Variants in HDDC2 observed in about 807,000 individuals in gnomAD.
HDDC2 encodes HD domain containing 2, also known as 5'-deoxynucleotidase HDDC2.
HDDC2 carries 25 observed loss-of-function variants against 25.5 expected under a neutral mutation model. The ratio of observed to expected loss-of-function variants is 0.98; its 90% CI spans 0.72 to 1.37. The LOEUF (loss-of-function observed/expected upper bound fraction) is 1.37. HDDC2 is among the 40% of genes most tolerant of loss of function. HDDC2 has a pLI of 0.00. For synonymous variants in HDDC2, 106 were observed against 89.7 expected, an observed-to-expected ratio of 1.18 and a Z score of -1.03; for missense variants, 264 against 253.1, an observed-to-expected ratio of 1.04 and a Z score of -0.29.
At position 125,275,391 on chromosome 6, in the gene HDDC2, G is replaced by A. The variant is rs552930280; in HGVS notation, c.*755C>T. On this transcript the variant is annotated 3_prime_UTR_variant, in exon 6 of 6. Transcript: ENST00000398153. ...AAAAGGGAAAAGAGAGGAAGAAATC[G>A]GGTTGATATATTCCCTACCTGAGGC... 2.6e-5 allele frequency: 4 copies of A among 152,112 alleles called. No individual in the cohort carries two copies. Among genetic ancestry groups the A allele is most frequent in the Admixed American group, 1.3e-4 (2 of 15,256 alleles). The allele number at this position is 152,112 out of a possible 1,614,324, so 9.4% of individuals were successfully genotyped here. A position where few individuals can be genotyped will look rare whatever the true frequency, so the allele number is the denominator to read the frequency against.
At position 125,297,551 on chromosome 6, in the gene HDDC2, T is replaced by C. The variant is rs150585730; in HGVS notation, c.309+1163A>G. The C allele has an allele frequency of 2.3e-3, 932 of 403,354 alleles. 15 individuals are homozygous for C. The East Asian group carries it at 0.026, about 11-fold the overall frequency. The allele number at this position is 403,354 out of a possible 1,614,324, so 25.0% of individuals were successfully genotyped here. ...TACAGGTGTACAGATCAAAATGGAG[T>C]TTCTTATGTCTTCCTTTTCTACAAA... On this transcript the variant is annotated intron_variant, in intron 3 of 5. Coordinates refer to ENST00000398153, the MANE Select transcript of HDDC2 (RefSeq NM_016063.3).
intron 1 of HDDC2, among the ~76,000 whole-genome samples, 163 bp downstream of exon 1, chr6:125,301,686 A>G (rs3734643): frequency 0.29 from 43,801 of 152,050 alleles, 9,016 homozygotes; most frequent in African/African-American, 0.59. Context: ...CACCGTCGGC[A>G]ACGCGCGGCC....
intron 1 of HDDC2, among the ~76,000 whole-genome samples, chr6:125,301,341 T>G (rs1798798443): frequency 6.6e-6 from 1 of 152,018 alleles, no homozygotes; most frequent in Non-Finnish European, 1.5e-5. Flanking sequence ...AAAGTCTTGT[T>G]TCTGGAAGTA....
At chr6:125,292,955 A>G (rs1272633232) in intron 3 of HDDC2, 46 bp from the exon 4 acceptor site, 2 of 1,409,084 alleles carry the variant, frequency 1.4e-6, no homozygotes, top group Admixed American at 3.3e-5. Context: ...CATTTATCAC[A>G]GTTAACAACC....
chr6:125,299,452 T>C (rs1286283532), intron 2 of HDDC2, among the ~76,000 whole-genome samples: 1 of 152,218 alleles, frequency 6.6e-6, no homozygotes, highest in African/African-American at 2.4e-5. Context: ...AATAAGTGGT[T>C]ATGATTATTA....
At chr6:125,281,279 A>G (rs1360420676) in intron 4 of HDDC2, among the ~76,000 whole-genome samples, 1 of 152,210 alleles carries the variant, frequency 6.6e-6, no homozygotes, top group Admixed American at 6.5e-5. Context: ...TGAAAATTCA[A>G]AAAAATAGAA....
Position 125,275,962 on chromosome 6 carries a change from C to A in HDDC2, c.*184G>T. The A allele has an allele frequency of 1.7e-6, 1 of 584,550 alleles. No individual in the cohort carries two copies. The highest frequency in any genetic ancestry group is 2.2e-5 in the South Asian group (1 of 46,056). 36.2% of individuals were successfully genotyped at this position (584,550 alleles called of 1,614,324 possible). ...GTGTTCATCCATGGCACTTTCATGA[C>A]CGCTTCCTGTTCTGTGGCTTCTTTT... On this transcript the variant is annotated 3_prime_UTR_variant, in exon 6 of 6. Transcript: ENST00000398153.
intron 5 of HDDC2, 178 bp from the exon 6 acceptor site, chr6:125,276,421 A>G: frequency 1.7e-6 from 1 of 586,710 alleles, no homozygotes; most frequent in South Asian, 2.1e-5. Context: ...ACCACTTGGC[A>G]TTTACGCTCT....
intron 4 of HDDC2, chr6:125,278,028 A>G (rs1041265803): frequency 6.6e-6 from 1 of 152,216 alleles, no homozygotes; most frequent in Admixed American, 6.5e-5. Flanking sequence ...TATTAAGAAC[A>G]AAGTGCTCCC....
chr6:125,277,281 A>AT (rs750072372), intron 4 of HDDC2, 41 bp from the exon 5 acceptor site: 28 of 1,594,550 alleles, frequency 1.8e-5, no homozygotes, highest in Non-Finnish European at 2.1e-5. Flanking sequence ...TTAGCGCTGC[A>AT]TAATAGGGTA....
chr6:125,296,807 C>T (rs1798711665), intron 3 of HDDC2, among the ~76,000 whole-genome samples: 1 of 152,172 alleles, frequency 6.6e-6, no homozygotes, highest in Non-Finnish European at 1.5e-5. Flanking sequence ...TGCTCAGGTC[C>T]CCTCTGTGCC....
chr6:125,282,922 AT>A (rs1209682801), intron 4 of HDDC2, among the ~76,000 whole-genome samples: 1 of 152,232 alleles, frequency 6.6e-6, no homozygotes, highest in Non-Finnish European at 1.5e-5. Flanking sequence ...AAAGAAGGGC[AT>A]TACATAATGG....
intron 5 of HDDC2, 83 bp from the exon 6 acceptor site, chr6:125,276,326 C>T (rs1316197763): frequency 2.0e-6 from 2 of 998,598 alleles, no homozygotes; most frequent in Admixed American, 3.6e-5. Context: ...TCCCAGGGTT[C>T]ACTGGGGGCT....
chr6:125,288,065 G>A (rs1798569373), intron 4 of HDDC2, among the ~76,000 whole-genome samples: 1 of 152,212 alleles, frequency 6.6e-6, no homozygotes, highest in African/African-American at 2.4e-5. Context: ...AAGAGAAGTA[G>A]GGAAATGTGG....
chr6:125,283,400 T>G (rs1798488513), intron 4 of HDDC2, among the ~76,000 whole-genome samples: 1 of 152,178 alleles, frequency 6.6e-6, no homozygotes, highest in African/African-American at 2.4e-5. Context: ...ATGTCATGAT[T>G]ATATATTTAG....
intron 3 of HDDC2, among the ~76,000 whole-genome samples, chr6:125,298,322 C>T (rs998957332): frequency 6.6e-6 from 1 of 152,192 alleles, no homozygotes; most frequent in African/African-American, 2.4e-5. Flanking sequence ...AACAGACTAA[C>T]ACAACAAGCA....
chr6:125,288,443 A>C (rs1447435278), intron 4 of HDDC2, among the ~76,000 whole-genome samples: 2 of 152,178 alleles, frequency 1.3e-5, no homozygotes, highest in Admixed American at 6.5e-5. Flanking sequence ...GAGAGGACTC[A>C]GACTGGGGTT....
At chr6:125,288,545 G>T (rs1053147444) in intron 4 of HDDC2, among the ~76,000 whole-genome samples, 2 of 152,120 alleles carry the variant, frequency 1.3e-5, no homozygotes, top group African/African-American at 4.8e-5. Flanking sequence ...CAGAGGAAAG[G>T]AAAACAGGAA....
intron 3 of HDDC2, chr6:125,293,162 A>G: frequency 1.8e-6 from 1 of 541,170 alleles, no homozygotes; most frequent in South Asian, 2.0e-5. Context: ...ACAGACATAG[A>G]AAAGGACAAT....
Sources: gnomAD v4.1 joint callset for allele counts (sites outside exome capture counted in the v4.1 genomes callset) on GRCh38, gnomAD v4.1.1 for gene constraint, MANE v1.5 for transcripts, NCBI Gene and HGNC (gene_info 2026-07-23, HGNC 2026-07-21) for gene names.